TMEM161A: variants seen among roughly 807,000 people sequenced by gnomAD.
The protein encoded by TMEM161A is transmembrane protein 161A.
In TMEM161A, 46 loss-of-function variants were observed where a neutral mutation model predicts 57.1. The ratio of observed to expected loss-of-function variants is 0.81; its 90% CI spans 0.64 to 1.03. TMEM161A has a LOEUF of 1.03. TMEM161A is among the 50% of genes least tolerant of loss of function. The pLI is 0.00. For missense variants in TMEM161A, 601 were observed against 621.5 expected (o/e 0.97, Z 0.35); for synonymous variants, 288 against 279.0 (o/e 1.03, Z -0.32).
In TMEM161A at chr19:19,134,891, G is replaced by T. The variant is rs553485451; in HGVS notation, c.4-4C>A. The T allele has an allele frequency of 8.2e-6, 13 of 1,577,398 alleles. No individual in the cohort carries two copies. Among genetic ancestry groups the T allele is most frequent in the Non-Finnish European group, 1.1e-5 (13 of 1,161,038 alleles). On this transcript the variant is annotated splice_region_variant and splice_polypyrimidine_tract_variant and intron_variant, in intron 1 of 11. Coordinates refer to ENST00000162044, the MANE Select transcript of TMEM161A (RefSeq NM_017814.3). ...CCAGCTGTACTCCGAGGACCGCCTG[G>T]GGGGAGGGGACATGACTGGCAGCAC... is the stretch of plus-strand genomic sequence containing the variant.
At chr19:19,127,213 A>G (rs919219652) in intron 6 of TMEM161A, among the ~76,000 whole-genome samples, 1 of 152,092 alleles carries the variant, frequency 6.6e-6, no homozygotes, top group Admixed American at 6.6e-5. Flanking sequence ...TCAGGTTCAC[A>G]GCGGTATTAG....
At chr19:19,127,530 G>A (rs961150692) in intron 6 of TMEM161A, among the ~76,000 whole-genome samples, 23 of 151,848 alleles carry the variant, frequency 1.5e-4, no homozygotes, top group Non-Finnish European at 2.9e-4. Flanking sequence ...CACCATGTTA[G>A]CCAGGATGGT....
At chr19:19,130,338 G>A (rs373615879) in intron 5 of TMEM161A, 31 bp from the exon 6 acceptor site, 56 of 1,609,678 alleles carry the variant, frequency 3.5e-5, no homozygotes, top group Non-Finnish European at 4.6e-5. Flanking sequence ...GGCCTCAGGT[G>A]CCACTGCCCC....
rs1350796131 is a variant in TMEM161A at position 19,133,068 on chromosome 19, T to G, written c.188+62A>C. Reference sequence around the variant, plus strand: ...GAGCCCAGAGCCCCCTGAGCAGGGGTGAGGCCGTTCCTGGGGAGGAGCCAC... The same window carrying G: ...GAGCCCAGAGCCCCCTGAGCAGGGGGGAGGCCGTTCCTGGGGAGGAGCCAC... On this transcript the variant is annotated intron_variant, in intron 3 of 11. Transcript: ENST00000162044. 2.7e-6 allele frequency: 4 copies of G among 1,505,846 alleles called. No homozygotes were observed. In the African/African-American group the frequency reaches 5.5e-5, roughly 21 times the overall value. The allele number at this position is 1,505,846 out of a possible 1,614,324, so 93.3% of individuals were successfully genotyped here. A position where few individuals can be genotyped will look rare whatever the true frequency, so the allele number is the denominator to read the frequency against.
chr19:19,124,830 C>T (rs2059923843), intron 6 of TMEM161A, among the ~76,000 whole-genome samples: 1 of 152,002 alleles, frequency 6.6e-6, no homozygotes, highest in Non-Finnish European at 1.5e-5. Flanking sequence ...TGGCGTGCAC[C>T]TGTAATCCCA....
chr19:19,134,767 G>A lies in TMEM161A; in HGVS notation c.107+17C>T, dbSNP rs763339073. The A allele has an allele frequency of 1.0e-5, 16 of 1,542,596 alleles. No individual in the cohort carries two copies. The highest frequency in any genetic ancestry group is 8.3e-5 in the South Asian group (7 of 84,076). ...CGTGACTCCGCGGGCCCCTCCCACC[G>A]CCGGGGCGGGGCTCACCTGCCGTTA... is the stretch of plus-strand genomic sequence containing the variant. On this transcript the variant is annotated intron_variant, in intron 2 of 11. Transcript: ENST00000162044.
intron 6 of TMEM161A, among the ~76,000 whole-genome samples, chr19:19,126,185 T>G (rs545781702): frequency 6.8e-6 from 1 of 147,808 alleles, no homozygotes; most frequent in South Asian, 2.1e-4. Flanking sequence ...AAAAAGACAA[T>G]GTAGAATGAC....
At chr19:19,138,400 C>T (rs2059993429) in intron 1 of TMEM161A, 26 bp downstream of exon 1, 1 of 1,601,280 alleles carries the variant, frequency 6.2e-7, no homozygotes, top group South Asian at 1.1e-5. Flanking sequence ...CTGCAGAACC[C>T]CCCACTTCGC....
At position 19,121,158 on chromosome 19, in the gene TMEM161A, T is replaced by C; in HGVS notation, c.923A>G (p.Asp308Gly). The change falls in exon 10 of 12, where the codon GAT becomes GGT. Residue 308 changes from aspartate (D) to glycine (G), a missense_variant. Asp to Gly is a moderately conservative substitution (Grantham distance 94). Transcript: ENST00000162044. This position sits in a 1 kb window ranked among gnomAD's most constrained non-coding sequence, Gnocchi z 5.8. ...GAGGCGCCCAGAGTCGAAGGCAGAA[T>C]CGGACAGCCTGTGCGGAGAGGGCCG... Reference protein sequence around the residue: ...FGETRFSLLSDSAFDSGRLWL... With the variant: ...FGETRFSLLSGSAFDSGRLWL... The C allele has an allele frequency of 1.2e-6, 2 of 1,605,464 alleles. No individual in the cohort carries two copies. Among genetic ancestry groups the C allele is most frequent in the Non-Finnish European group, 1.7e-6 (2 of 1,176,034 alleles).
intron 5 of TMEM161A, among the ~76,000 whole-genome samples, chr19:19,131,212 C>T (rs1048840310): frequency 7.2e-5 from 11 of 152,042 alleles, no homozygotes; most frequent in African/African-American, 2.7e-4. Flanking sequence ...AAGAGTAAAA[C>T]TCCATCTCAA....
chr19:19,125,411 C>T (rs2059925884), intron 6 of TMEM161A, among the ~76,000 whole-genome samples: 1 of 151,716 alleles, frequency 6.6e-6, no homozygotes. Context: ...AGTGCAATGG[C>T]GTGATTTCGG....
intron 2 of TMEM161A, 57 bp from the exon 3 acceptor site, chr19:19,133,267 C>G: frequency 6.6e-7 from 1 of 1,510,148 alleles, no homozygotes; most frequent in African/African-American, 1.4e-5. Context: ...GAGGTTGAGG[C>G]AGTGAACCCC....
At position 19,129,413 on chromosome 19, in the gene TMEM161A, G is replaced by A. The variant is rs550221908; in HGVS notation, c.595+743C>T. ...CCTAAGACCGGGGGAGTGTGGTGCCGGGCAGAGAAGTGATGAGGTCCAAAT... is the reference window on the plus strand; with the variant it reads ...CCTAAGACCGGGGGAGTGTGGTGCCAGGCAGAGAAGTGATGAGGTCCAAAT... On this transcript the variant is annotated intron_variant, in intron 6 of 11. Coordinates refer to ENST00000162044, the MANE Select transcript of TMEM161A (RefSeq NM_017814.3). Among the ~76,000 whole-genome samples, 32 of 152,066 alleles carry A rather than the reference G, an allele frequency of 2.1e-4. No individual in the cohort carries two copies. In the South Asian group the frequency reaches 6.2e-3, roughly 30 times the overall value.
intron 1 of TMEM161A, among the ~76,000 whole-genome samples, chr19:19,136,820 C>T (rs888645081): frequency 1.3e-5 from 2 of 152,082 alleles, no homozygotes; most frequent in Non-Finnish European, 2.9e-5. Flanking sequence ...GCTCGCCCTC[C>T]CCGGGACCCT....
chr19:19,133,410 G>A, intron 2 of TMEM161A, 200 bp from the exon 3 acceptor site: 1 of 564,186 alleles, frequency 1.8e-6, no homozygotes, highest in Non-Finnish European at 3.2e-6. Context: ...CCGGGGGCTT[G>A]GATACCCCTG....
Position 19,127,859 on chromosome 19 carries a change from GAGCCCTGGAGATCAAGGCTGCAGT to G in TMEM161A, c.595+2273_595+2296del, listed in dbSNP as rs1048202678. ...GAAGGCTGAGGTGGGAGGATCACTT[GAGCCCTGGAGATCAAGGCTGCAGT>G]GAGTTGTGATTGCACCACTGCACTC... On this transcript the variant is annotated intron_variant, in intron 6 of 11. Coordinates refer to ENST00000162044, the MANE Select transcript of TMEM161A (RefSeq NM_017814.3). 5.0e-4 allele frequency among the ~76,000 whole-genome samples: 76 copies of G among 152,058 alleles called. 1 individual carries two copies. The highest frequency in any genetic ancestry group is 3.7e-3 in the Admixed American group (56 of 15,272).
At chr19:19,133,977 C>T (rs1222094988) in intron 2 of TMEM161A, among the ~76,000 whole-genome samples, 1 of 151,876 alleles carries the variant, frequency 6.6e-6, no homozygotes, top group African/African-American at 2.4e-5. Context: ...TGCCATGTTG[C>T]CCAGGCTGGT....
Position 19,121,971 on chromosome 19 carries a change from A to G in TMEM161A, c.596-152T>C. ...AGGCCCTGAGCCAGGCACAAGGACA[A>G]TTTTGTGCTCTAGTTACACAGTACT... On this transcript the variant is annotated intron_variant, in intron 6 of 11. Transcript: ENST00000162044. The surrounding 1 kb of genome is among the most constrained non-coding windows in gnomAD (Gnocchi z 5.8). 3 of 795,680 alleles carry G rather than the reference A, an allele frequency of 3.8e-6. No individual in the cohort carries two copies. Among genetic ancestry groups the G allele is most frequent in the Non-Finnish European group, 5.9e-6 (3 of 506,320 alleles). The allele number at this position is 795,680 out of a possible 1,614,324, so 49.3% of individuals were successfully genotyped here.
intron 6 of TMEM161A, among the ~76,000 whole-genome samples, chr19:19,127,316 CTTTTTTTTTT>C: frequency 1.4e-5 from 1 of 73,282 alleles, no homozygotes; most frequent in East Asian, 4.6e-4. Flanking sequence ...AGTGTTCAGT[CTTTTTTTTTT>C]TTTTTTTTTT....
Sources: gnomAD v4.1 joint callset for allele counts (sites outside exome capture counted in the v4.1 genomes callset) on GRCh38, gnomAD v4.1.1 for gene constraint, Gnocchi (gnomAD v3.1) non-coding constraint, MANE v1.5 for transcripts, NCBI Gene and HGNC (gene_info 2026-07-23, HGNC 2026-07-21) for gene names.